FTO: variants seen among roughly 807,000 people sequenced by gnomAD.
The protein encoded by FTO is alpha-ketoglutarate-dependent dioxygenase FTO.
Under a neutral mutation model 63.9 loss-of-function variants are expected in FTO, and 47 were observed. The observed-to-expected ratio is 0.74, with a 90% CI of 0.58 to 0.94. The LOEUF is 0.94. Among genes scored for constraint, FTO ranks in the 40% least tolerant of loss-of-function variants. The pLI, the probability that FTO is intolerant of heterozygous loss-of-function variation, is 0.00. For missense variants in FTO, 562 were observed against 618.1 expected, an observed-to-expected ratio of 0.91 and a Z score of 0.96; for synonymous variants, 207 against 224.4, an observed-to-expected ratio of 0.92 and a Z score of 0.69.
At chr16:54,048,817 A>G (rs1308861751) in intron 8 of FTO, among the ~76,000 whole-genome samples, 1 of 152,172 alleles carries the variant, frequency 6.6e-6, no homozygotes, top group Non-Finnish European at 1.5e-5. Flanking sequence ...TGTAATAAAT[A>G]TAAAACTTTC....
chr16:54,104,317 T>G (rs1392476585), intron 8 of FTO, among the ~76,000 whole-genome samples: 1 of 150,704 alleles, frequency 6.6e-6, no homozygotes, highest in Non-Finnish European at 1.5e-5. Context: ...AGGCCTCTTT[T>G]TTTTTTTTTT....
intron 1 of FTO, among the ~76,000 whole-genome samples, chr16:53,721,039 C>G (rs2076027454): frequency 6.6e-6 from 1 of 152,142 alleles, no homozygotes; most frequent in African/African-American, 2.4e-5. Flanking sequence ...ATCTGCCTGC[C>G]TTGGTCTCCC....
intron 8 of FTO, among the ~76,000 whole-genome samples, chr16:53,963,612 C>A (rs139894811): frequency 0.012 from 1,798 of 152,262 alleles, 15 homozygotes; most frequent in Middle Eastern, 0.027. Flanking sequence ...TCTGCCCCGA[C>A]CCTTGCTCCT....
intron 8 of FTO, among the ~76,000 whole-genome samples, chr16:54,104,519 G>T (rs1228454695): frequency 3.3e-5 from 5 of 151,978 alleles, no homozygotes; most frequent in Non-Finnish European, 5.9e-5. Flanking sequence ...CACCACATTG[G>T]TCAGGCTGGT....
intron 1 of FTO, among the ~76,000 whole-genome samples, chr16:53,791,802 G>A (rs2151689357): frequency 6.6e-6 from 1 of 152,214 alleles, no homozygotes; most frequent in East Asian, 1.9e-4. Context: ...GGCCGGGCGC[G>A]GTGGCTCACG....
In FTO at chr16:53,979,562, TGTGTGC is replaced by T. The variant is rs201942139; in HGVS notation, c.1364+45455_1364+45460del. ...GTGTGTGTGTGTGTGTGTGTGTGTGTGTGTGCGCGCGTGTGTGAATTTCTTGTCCTC... is the reference window on the plus strand; with the variant it reads ...GTGTGTGTGTGTGTGTGTGTGTGTGTGCGCGTGTGTGAATTTCTTGTCCTC... On this transcript the variant is annotated intron_variant, in intron 8 of 8. Coordinates refer to ENST00000471389, the MANE Select transcript of FTO (RefSeq NM_001080432.3). 2.6e-5 allele frequency: 10 copies of T among 386,394 alleles called. 1 individual carries two copies. Among genetic ancestry groups the T allele is most frequent in the South Asian group, 1.4e-4 (1 of 7,354 alleles). 23.9% of individuals were successfully genotyped at this position (386,394 alleles called of 1,614,324 possible).
chr16:53,977,360 T>G (rs1407615039), intron 8 of FTO, among the ~76,000 whole-genome samples: 2 of 152,298 alleles, frequency 1.3e-5, no homozygotes, highest in East Asian at 3.9e-4. Context: ...AGGTAATATA[T>G]GCAGGAACTT....
intron 8 of FTO, among the ~76,000 whole-genome samples, chr16:54,004,224 G>A (rs1279788322): frequency 1.3e-5 from 2 of 152,006 alleles, no homozygotes; most frequent in Admixed American, 6.6e-5. Flanking sequence ...GGAAAAGACC[G>A]TATTATGAAT....
intron 8 of FTO, among the ~76,000 whole-genome samples, chr16:53,943,240 A>G (rs1020715680): frequency 2.0e-5 from 3 of 152,198 alleles, no homozygotes; most frequent in Admixed American, 2.0e-4. Flanking sequence ...TTTTTCCCCC[A>G]AGATACAGCA....
intron 1 of FTO, among the ~76,000 whole-genome samples, chr16:53,803,987 C>T (rs778737495): frequency 6.6e-6 from 1 of 152,114 alleles, no homozygotes; most frequent in Non-Finnish European, 1.5e-5. Context: ...TAATTTATAA[C>T]TAGGAAATAA....
chr16:53,896,783 C>A (rs757309197), intron 7 of FTO, among the ~76,000 whole-genome samples: 4 of 152,168 alleles, frequency 2.6e-5, no homozygotes, highest in East Asian at 1.9e-4. Flanking sequence ...AATTTTCCTT[C>A]CTCTGGAGCT....
chr16:53,733,505 C>T (rs370819937), intron 1 of FTO, among the ~76,000 whole-genome samples: 1 of 152,118 alleles, frequency 6.6e-6, no homozygotes, highest in African/African-American at 2.4e-5. Flanking sequence ...AAATTAGGGA[C>T]GTAATTACCC....
intron 8 of FTO, among the ~76,000 whole-genome samples, chr16:53,952,631 A>G (rs1384286354): frequency 6.6e-6 from 1 of 152,194 alleles, no homozygotes; most frequent in East Asian, 1.9e-4. Flanking sequence ...CTCTCTAGCA[A>G]AGAGCATGGT....
intron 8 of FTO, among the ~76,000 whole-genome samples, chr16:54,019,979 T>G (rs2084550257): frequency 6.6e-6 from 1 of 152,196 alleles, no homozygotes; most frequent in Non-Finnish European, 1.5e-5. Context: ...CAGCTGAAAT[T>G]ACTGCCTCAA....
At chr16:53,987,319 G>A (rs563489970) in intron 8 of FTO, among the ~76,000 whole-genome samples, 23 of 152,118 alleles carry the variant, frequency 1.5e-4, no homozygotes, top group African/African-American at 5.5e-4. Context: ...GGTGGCTCAC[G>A]CCTGTAATCC....
At chr16:54,030,894 C>T (rs1436571195) in intron 8 of FTO, among the ~76,000 whole-genome samples, 8 of 152,092 alleles carry the variant, frequency 5.3e-5, no homozygotes, top group Non-Finnish European at 8.8e-5. Context: ...TTCTTGAATC[C>T]TTCTAATAGA....
chr16:53,747,762 T>A (rs1287331686), intron 1 of FTO, among the ~76,000 whole-genome samples: 1 of 152,218 alleles, frequency 6.6e-6, no homozygotes, highest in East Asian at 1.9e-4. Flanking sequence ...CTGTAGTTTA[T>A]CTACTATGTT....
Position 54,118,425 on chromosome 16 carries a change from T to C in FTO, c.*6510T>C, listed in dbSNP as rs1240187111. ...CGTAGGCTGGAGTGCAGTGGTGAGA[T>C]CACGGCTCACTGCAGCCTCGACTTC... On this transcript the variant is annotated 3_prime_UTR_variant, in exon 9 of 9. Coordinates refer to ENST00000471389, the MANE Select transcript of FTO (RefSeq NM_001080432.3). 1 of 149,800 alleles carries C rather than the reference T, an allele frequency of 6.7e-6. No homozygotes were observed. The highest frequency in any genetic ancestry group is 2.4e-5 in the African/African-American group (1 of 40,818). 9.3% of individuals were successfully genotyped at this position (149,800 alleles called of 1,614,324 possible). A position where few individuals can be genotyped will look rare whatever the true frequency, so the allele number is the denominator to read the frequency against.
intron 8 of FTO, among the ~76,000 whole-genome samples, chr16:54,090,916 C>G (rs2086368425): frequency 6.6e-6 from 1 of 152,214 alleles, no homozygotes; most frequent in African/African-American, 2.4e-5. Flanking sequence ...GCCTCTTTCT[C>G]TCCAAGTGGC....
Sources: allele counts gnomAD v4.1 joint callset (sites outside exome capture counted in the v4.1 genomes callset), GRCh38; gene constraint gnomAD v4.1.1; transcripts MANE v1.5; gene names NCBI Gene and HGNC (gene_info 2026-07-23, HGNC 2026-07-21).